The following HTR2A variants were observed in gnomAD, a reference collection of about 807,000 sequenced individuals.
The protein encoded by HTR2A is 5-HT2 receptor.
In HTR2A, 14 loss-of-function variants were observed where a neutral mutation model predicts 31.0. The observed-to-expected ratio is 0.45, with a 90% CI of 0.30 to 0.71. The LOEUF is 0.71. HTR2A is among the 30% of genes least tolerant of loss of function. The pLI is 0.09. For missense variants in HTR2A, 442 were observed against 573.3 expected, an observed-to-expected ratio of 0.77 and a Z score of 2.34; for synonymous variants, 209 against 225.2, an observed-to-expected ratio of 0.93 and a Z score of 0.64.
chr13:46,896,144 T>C lies in HTR2A; in HGVS notation c.-238A>G. The C allele has an allele frequency of 8.0e-7, 1 of 1,247,972 alleles. No individual in the cohort carries two copies. Among genetic ancestry groups the C allele is most frequent in the Non-Finnish European group, 1.0e-6 (1 of 998,096 alleles). The allele number at this position is 1,247,972 out of a possible 1,614,324, so 77.3% of individuals were successfully genotyped here. A position where few individuals can be genotyped will look rare whatever the true frequency, so the allele number is the denominator to read the frequency against. On this transcript the variant is annotated 5_prime_UTR_variant, in exon 2 of 4. Coordinates refer to ENST00000542664, the MANE Select transcript of HTR2A (RefSeq NM_000621.5). Reference sequence around the variant, plus strand: ...GAGAGTCCACTGTTTGGTTTTATTATTTTCTCACCAAACCGAGGACAAAAA... The same window carrying C: ...GAGAGTCCACTGTTTGGTTTTATTACTTTCTCACCAAACCGAGGACAAAAA...
chr13:46,865,486 A>G (rs1321052928), intron 3 of HTR2A, among the ~76,000 whole-genome samples: 1 of 152,226 alleles, frequency 6.6e-6, no homozygotes, highest in African/African-American at 2.4e-5. Flanking sequence ...AGCCTGCAAT[A>G]CAAAACAATT....
At position 46,894,786 on chromosome 13, in the gene HTR2A, C is replaced by A. The variant is rs1036154622; in HGVS notation, c.412+709G>T. Among the ~76,000 whole-genome samples the A allele has an allele frequency of 5.3e-5, 8 of 152,282 alleles. 1 individual carries two copies. Among genetic ancestry groups the A allele is most frequent in the African/African-American group, 1.7e-4 (7 of 41,564 alleles). ...GTTTCAAACTCTGTTGAGAAGAAAG[C>A]AAGATTAATCCCTTCCCATTTGTTT... On this transcript the variant is annotated intron_variant, in intron 2 of 3. Transcript: ENST00000542664.
chr13:46,863,658 A>AAAAG lies in HTR2A; in HGVS notation c.614-28020_614-28019insCTTT, dbSNP rs1950799311. Among the ~76,000 whole-genome samples, 3 of 6,826 alleles carry AAAAG rather than the reference A, an allele frequency of 4.4e-4. No homozygotes were observed. The Admixed American group carries it at 9.3e-3, about 21-fold the overall frequency. 4.5% of individuals were successfully genotyped at this position (6,826 alleles called of 152,430 possible). ...AAAAAAAAAAAAAAAAAGAAAAAAAAAAAAGACAGTCATATGAAAAAAGCT... is the reference window on the plus strand; with the variant it reads ...AAAAAAAAAAAAAAAAAGAAAAAAAAAAAGAAAAGACAGTCATATGAAAAAAGCT... On this transcript the variant is annotated intron_variant, in intron 3 of 3. Coordinates refer to ENST00000542664, the MANE Select transcript of HTR2A (RefSeq NM_000621.5).
At chr13:46,887,014 G>A (rs974351535) in intron 3 of HTR2A, among the ~76,000 whole-genome samples, 3 of 152,110 alleles carry the variant, frequency 2.0e-5, no homozygotes, top group Non-Finnish European at 2.9e-5. Flanking sequence ...GGATTAAGGG[G>A]AACTGTGCTT....
chr13:46,864,623 ACTT>A (rs1950805858), intron 3 of HTR2A, among the ~76,000 whole-genome samples: 1 of 152,156 alleles, frequency 6.6e-6, no homozygotes, highest in African/African-American at 2.4e-5. Context: ...TTGCAAAACT[ACTT>A]CTTGTCATTA....
At chr13:46,881,498 A>G (rs1452191693) in intron 3 of HTR2A, among the ~76,000 whole-genome samples, 1 of 152,214 alleles carries the variant, frequency 6.6e-6, no homozygotes, top group African/African-American at 2.4e-5. Flanking sequence ...AAATAAAGAT[A>G]CAACAAATGG....
rs1555298357 is a variant in HTR2A, at chr13:46,863,657, A to AAG, written c.614-28019_614-28018insCT. ...AAAAAAAAAAAAAAAAAAGAAAAAA[A>AAG]AAAAAGACAGTCATATGAAAAAAGC... On this transcript the variant is annotated intron_variant, in intron 3 of 3. Coordinates refer to ENST00000542664, the MANE Select transcript of HTR2A (RefSeq NM_000621.5). 2.6e-3 allele frequency among the ~76,000 whole-genome samples: 303 copies of AAG among 118,204 alleles called. 6 individuals are homozygous for AAG. Among genetic ancestry groups the AAG allele is most frequent in the South Asian group, 6.5e-3 (24 of 3,720 alleles). 77.5% of individuals were successfully genotyped at this position (118,204 alleles called of 152,430 possible).
upstream of HTR2A, among the ~76,000 whole-genome samples, chr13:46,897,461 C>G (rs1309987741): frequency 6.6e-6 from 1 of 152,138 alleles, no homozygotes; most frequent in Non-Finnish European, 1.5e-5. Flanking sequence ...ACTATTAGCA[C>G]TATTTTTATT....
chr13:46,867,499 T>C (rs1950827205), intron 3 of HTR2A, among the ~76,000 whole-genome samples: 2 of 152,232 alleles, frequency 1.3e-5, no homozygotes, highest in Admixed American at 1.3e-4. Context: ...GTATGTAATA[T>C]ATAAAACTGT....
intron 3 of HTR2A, among the ~76,000 whole-genome samples, chr13:46,881,399 G>T (rs779153098): frequency 1.2e-4 from 18 of 152,290 alleles, no homozygotes; most frequent in Non-Finnish European, 2.1e-4. Context: ...CTCTGTTCCT[G>T]GATGCCAAGC....
chr13:46,839,003 CACACA>C (rs775850828), intron 3 of HTR2A, among the ~76,000 whole-genome samples: 189 of 152,052 alleles, frequency 1.2e-3, no homozygotes, highest in Non-Finnish European at 2.3e-3. Flanking sequence ...CACACACACA[CACACA>C]CCCTTACAGA....
chr13:46,844,636 C>T (rs1338701468), intron 3 of HTR2A, among the ~76,000 whole-genome samples: 2 of 152,048 alleles, frequency 1.3e-5, no homozygotes, highest in Non-Finnish European at 2.9e-5. Flanking sequence ...GATCTAGGCC[C>T]GTTATTTTTC....
chr13:46,882,279 T>C lies in HTR2A; in HGVS notation c.613+10111A>G, dbSNP rs573552101. Among the ~76,000 whole-genome samples the C allele has an allele frequency of 2.1e-4, 31 of 150,866 alleles. 1 individual carries two copies. The South Asian group carries it at 6.5e-3, about 32-fold the overall frequency. On this transcript the variant is annotated intron_variant, in intron 3 of 3. Transcript: ENST00000542664. ...TCAGAGACAATAAAAAAATCCTTAA[T>C]TAAAAGTATGTTGTGGTGAACGACT...
chr13:46,883,967 C>A (rs1003065739), intron 3 of HTR2A, among the ~76,000 whole-genome samples: 1 of 152,202 alleles, frequency 6.6e-6, no homozygotes, highest in Non-Finnish European at 1.5e-5. Flanking sequence ...GGGAAAGCAG[C>A]AGTACATTTC....
chr13:46,841,242 A>T (rs375214825), intron 3 of HTR2A, among the ~76,000 whole-genome samples: 1 of 152,174 alleles, frequency 6.6e-6, no homozygotes, highest in East Asian at 1.9e-4. Flanking sequence ...GAACAGACTA[A>T]TACGCCGATG....
At chr13:46,892,804 A>G (rs998264811) in intron 2 of HTR2A, among the ~76,000 whole-genome samples, 1 of 152,172 alleles carries the variant, frequency 6.6e-6, no homozygotes, top group Non-Finnish European at 1.5e-5. Context: ...GAAAATTTCT[A>G]GTGTCTGGAG....
chr13:46,875,628 T>A (rs1462406478), intron 3 of HTR2A, among the ~76,000 whole-genome samples: 1 of 152,042 alleles, frequency 6.6e-6, no homozygotes, highest in African/African-American at 2.4e-5. Flanking sequence ...CCCTAGAGTG[T>A]GAGGAAAGGT....
intron 3 of HTR2A, among the ~76,000 whole-genome samples, chr13:46,888,401 C>A (rs1468016152): frequency 6.6e-6 from 1 of 151,506 alleles, no homozygotes; most frequent in African/African-American, 2.4e-5. Context: ...AAAAATAAGA[C>A]TGACAGCTGG....
intron 3 of HTR2A, among the ~76,000 whole-genome samples, chr13:46,863,610 G>C (rs1436895572): frequency 1.8e-5 from 2 of 112,158 alleles, no homozygotes; most frequent in Non-Finnish European, 3.3e-5. Flanking sequence ...CTGGGCACCA[G>C]AGTGAGACTC....
Sources: allele counts gnomAD v4.1 joint callset (sites outside exome capture counted in the v4.1 genomes callset), GRCh38; gene constraint gnomAD v4.1.1; transcripts MANE v1.5; gene names NCBI Gene and HGNC (gene_info 2026-07-23, HGNC 2026-07-21).